Variants in TMCO5A observed in about 807,000 individuals in gnomAD.
The protein encoded by TMCO5A is transmembrane and coiled-coil domain-containing protein 5A.
In TMCO5A, 34 loss-of-function variants were observed where a neutral mutation model predicts 42.3. That is an observed-to-expected ratio of 0.80 (90% CI 0.61 to 1.07). TMCO5A has a LOEUF of 1.07. TMCO5A is among the 50% of genes least tolerant of loss of function. TMCO5A has a pLI of 0.00. For synonymous variants in TMCO5A, 131 were observed against 115.6 expected, an observed-to-expected ratio of 1.13 and a Z score of -0.86; for missense variants, 357 against 327.9, an observed-to-expected ratio of 1.09 and a Z score of -0.69.
At chr15:38,001,543 A>G in the TMCO5A span, among the ~76,000 whole-genome samples, 1 of 150,786 alleles carries the variant, frequency 6.6e-6, no homozygotes, top group East Asian at 1.9e-4. Context: ...TACTCCTGTC[A>G]TTTTAAAATT....
the TMCO5A span, among the ~76,000 whole-genome samples, chr15:38,006,558 G>C: frequency 6.6e-6 from 1 of 152,174 alleles, no homozygotes; most frequent in African/African-American, 2.4e-5. Context: ...GAACATAAGT[G>C]AACACTGAGA....
At chr15:37,975,905 T>C in the TMCO5A span, among the ~76,000 whole-genome samples, 3 of 151,156 alleles carry the variant, frequency 2.0e-5, no homozygotes, top group Non-Finnish European at 4.4e-5. Flanking sequence ...GGACCTCTTG[T>C]AAGACAGTCT....
downstream of TMCO5A, chr15:37,951,587 TA>T (rs1890159743): frequency 4.7e-6 from 1 of 214,890 alleles, no homozygotes; most frequent in African/African-American, 2.3e-5. Context: ...ACTTACTGCT[TA>T]TATTAGAACT....
chr15:37,961,529 T>A (rs1244104117), intron 11 of TMCO5A, among the ~76,000 whole-genome samples: 1 of 152,018 alleles, frequency 6.6e-6, no homozygotes, highest in East Asian at 1.9e-4. Context: ...TGCGGGCTCC[T>A]TTTTTGTTTT....
At chr15:37,998,103 G>C in the TMCO5A span, among the ~76,000 whole-genome samples, 3 of 150,446 alleles carry the variant, frequency 2.0e-5, no homozygotes, top group South Asian at 4.5e-4. Flanking sequence ...CCTATTAATC[G>C]CTTGTCAGAT....
downstream of TMCO5A, among the ~76,000 whole-genome samples, chr15:37,972,073 G>A (rs887831391): frequency 6.6e-6 from 1 of 152,128 alleles, no homozygotes; most frequent in Non-Finnish European, 1.5e-5. Context: ...TTTTCACACT[G>A]CTGATGAAGA....
In TMCO5A at chr15:37,951,237, C is replaced by A; in HGVS notation, c.*3C>A. 2 of 1,612,982 alleles carry A rather than the reference C, an allele frequency of 1.2e-6. No individual in the cohort carries two copies. Among genetic ancestry groups the A allele is most frequent in the Non-Finnish European group, 1.7e-6 (2 of 1,179,440 alleles). On this transcript the variant is annotated 3_prime_UTR_variant, in exon 12 of 12. Coordinates refer to ENST00000319669, the MANE Select transcript of TMCO5A (RefSeq NM_152453.4). ...CAGAGGACATGTTACCCCACTGATT[C>A]CCTAAGAAATATCCTTGAGCAATAG...
chr15:38,006,411 G>A, the TMCO5A span, among the ~76,000 whole-genome samples: 3 of 152,278 alleles, frequency 2.0e-5, no homozygotes, highest in East Asian at 5.8e-4. Flanking sequence ...ACTCAGGATT[G>A]GTTGGAGAAT....
At chr15:37,995,114 A>G in the TMCO5A span, among the ~76,000 whole-genome samples, 1 of 152,020 alleles carries the variant, frequency 6.6e-6, no homozygotes, top group Non-Finnish European at 1.5e-5. Context: ...TGCCCTCCCT[A>G]CGCCCACATA....
chr15:37,966,606 C>A, intron 11 of TMCO5A: 1 of 702,918 alleles, frequency 1.4e-6, no homozygotes, highest in Admixed American at 2.0e-5. Flanking sequence ...GACATCATTT[C>A]TTTTTCTTCT....
At chr15:38,020,039 C>A in the TMCO5A span, among the ~76,000 whole-genome samples, 2 of 151,694 alleles carry the variant, frequency 1.3e-5, no homozygotes, top group African/African-American at 4.8e-5. Context: ...GTCACCCAGT[C>A]TGGAGTGCAG....
At chr15:37,948,603 T>G (rs1890046825) in intron 11 of TMCO5A, among the ~76,000 whole-genome samples, 2 of 152,110 alleles carry the variant, frequency 1.3e-5, no homozygotes, top group African/African-American at 4.8e-5. Context: ...TGGAATTGAC[T>G]GTGTGGATTT....
the TMCO5A span, among the ~76,000 whole-genome samples, chr15:37,975,295 G>T: frequency 6.6e-6 from 1 of 152,150 alleles, no homozygotes; most frequent in East Asian, 1.9e-4. Context: ...AAATATCTTT[G>T]TTAGTTTTCT....
intron 5 of TMCO5A, among the ~76,000 whole-genome samples, chr15:37,937,657 G>A (rs180724486): frequency 3.6e-4 from 55 of 152,196 alleles, no homozygotes; most frequent in Non-Finnish European, 6.0e-4. Context: ...ACCAGAAAAT[G>A]GATTCCAACA....
At chr15:37,969,738 G>A (rs1890639044), downstream of TMCO5A, among the ~76,000 whole-genome samples, 1 of 152,130 alleles carries the variant, frequency 6.6e-6, no homozygotes, top group Non-Finnish European at 1.5e-5. Flanking sequence ...TTGTGTTCAT[G>A]TGTTGTTGAT....
intron 11 of TMCO5A, among the ~76,000 whole-genome samples, chr15:37,960,365 A>G (rs569253877): frequency 9.9e-5 from 15 of 152,094 alleles, no homozygotes; most frequent in South Asian, 8.3e-4. Flanking sequence ...CCATTATTTC[A>G]TTTCTTTTTA....
At chr15:37,972,709 T>C (rs922114759), downstream of TMCO5A, among the ~76,000 whole-genome samples, 3 of 152,218 alleles carry the variant, frequency 2.0e-5, no homozygotes, top group African/African-American at 7.2e-5. Context: ...AGCTTGCATA[T>C]ATTTTCTCCC....
chr15:38,034,544 T>C, the TMCO5A span, among the ~76,000 whole-genome samples: 1 of 152,162 alleles, frequency 6.6e-6, no homozygotes, highest in Non-Finnish European at 1.5e-5. Context: ...CCAGAGGCTG[T>C]TGCTCCTTAG....
At chr15:38,002,427 ATC>A in the TMCO5A span, among the ~76,000 whole-genome samples, 1 of 150,888 alleles carries the variant, frequency 6.6e-6, no homozygotes, top group African/African-American at 2.4e-5. Flanking sequence ...CCACCCTGGT[ATC>A]TCTCTCTCTC....
Sources: allele counts gnomAD v4.1 joint callset (sites outside exome capture counted in the v4.1 genomes callset), GRCh38; gene constraint gnomAD v4.1.1; transcripts MANE v1.5; gene names NCBI Gene and HGNC (gene_info 2026-07-23, HGNC 2026-07-21).